Variants in CXCL13 observed in about 807,000 individuals in gnomAD.
CXCL13 encodes the protein C-X-C motif chemokine ligand 13, also known as C-X-C motif chemokine 13.
CXCL13 carries 7 observed loss-of-function variants against 12.2 expected under a neutral mutation model. That is an observed-to-expected ratio of 0.57 (90% CI 0.33 to 1.07). CXCL13 has a LOEUF of 1.07. Ranked by LOEUF, CXCL13 falls within the 50% of genes least tolerant of loss-of-function variation. CXCL13 has a pLI of 0.04. For synonymous variants in CXCL13, 47 were observed against 42.4 expected, an observed-to-expected ratio of 1.11 and a Z score of -0.42; for missense variants, 113 against 127.4, an observed-to-expected ratio of 0.89 and a Z score of 0.55.
intron 1 of CXCL13, among the ~76,000 whole-genome samples, chr4:77,598,783 T>C (rs72861964): frequency 0.035 from 5,286 of 152,140 alleles, 282 homozygotes; most frequent in African/African-American, 0.12. Flanking sequence ...TTGAAAATAT[T>C]CATGTCCCAT....
Position 77,515,481 on chromosome 4 carries a change from A to C in CXCL13, c.-43+3693A>C, listed in dbSNP as rs569662848. On this transcript the variant is annotated intron_variant, in intron 1 of 4. Transcript: ENST00000286758. ...ATTTGTTTGTATCCTCTTTTATTTC[A>C]TTGAGCAGTGGTTTGTAGTTCTCCT... Among the ~76,000 whole-genome samples the C allele has an allele frequency of 7.4e-4, 113 of 152,138 alleles. 1 individual carries two copies. The highest frequency in any genetic ancestry group is 2.6e-3 in the African/African-American group (109 of 41,514).
intron 1 of CXCL13, among the ~76,000 whole-genome samples, chr4:77,566,484 AT>A (rs980509335): frequency 2.0e-5 from 3 of 152,058 alleles, no homozygotes; most frequent in African/African-American, 7.2e-5. Flanking sequence ...TGGACCATAC[AT>A]TTTTTTCTCC....
chr4:77,553,835 C>A (rs913153757), intron 1 of CXCL13, among the ~76,000 whole-genome samples: 18 of 152,038 alleles, frequency 1.2e-4, no homozygotes, highest in Non-Finnish European at 2.4e-4. Flanking sequence ...TTTTAAAAAG[C>A]AAAATCCAAA....
At chr4:77,524,644 G>A (rs1724715465) in intron 1 of CXCL13, among the ~76,000 whole-genome samples, 2 of 151,746 alleles carry the variant, frequency 1.3e-5, no homozygotes, top group South Asian at 4.1e-4. Flanking sequence ...CCTTGGCTAG[G>A]AAAGGGAAAT....
At chr4:77,601,522 G>C (rs975611546), upstream of CXCL13, among the ~76,000 whole-genome samples, 11 of 152,202 alleles carry the variant, frequency 7.2e-5, no homozygotes, top group Admixed American at 5.9e-4. Context: ...ACAAAGTGTG[G>C]ATGATCAGCG....
At chr4:77,549,902 A>C (rs1381414025) in intron 1 of CXCL13, among the ~76,000 whole-genome samples, 2 of 152,236 alleles carry the variant, frequency 1.3e-5, no homozygotes, top group Non-Finnish European at 2.9e-5. Context: ...TTAAGTCTGC[A>C]GAAGTTTCTG....
chr4:77,586,431 G>A (rs968691807), intron 1 of CXCL13, among the ~76,000 whole-genome samples: 1 of 152,136 alleles, frequency 6.6e-6, no homozygotes, highest in Non-Finnish European at 1.5e-5. Context: ...CGGTCCTAAC[G>A]TTTTTGAGCA....
intron 1 of CXCL13, among the ~76,000 whole-genome samples, chr4:77,520,511 CTGTT>C (rs1381425051): frequency 1.3e-5 from 2 of 152,170 alleles, no homozygotes; most frequent in African/African-American, 2.4e-5. Context: ...ATTTGGCTCT[CTGTT>C]TGTCTGCTAT....
chr4:77,556,930 T>G (rs1368231809), intron 1 of CXCL13, among the ~76,000 whole-genome samples: 1 of 151,870 alleles, frequency 6.6e-6, no homozygotes, highest in African/African-American at 2.4e-5. Flanking sequence ...GAGAGGAAGA[T>G]CACTTAAGCC....
In CXCL13 at chr4:77,611,212, C is replaced by G; in HGVS notation, c.*173C>G. ...GATGGGGCAAACTCAAGCTTCTTCACTCACAGCACCCTATATACACTTGGA... is the reference window on the plus strand; with the variant it reads ...GATGGGGCAAACTCAAGCTTCTTCAGTCACAGCACCCTATATACACTTGGA... On this transcript the variant is annotated 3_prime_UTR_variant, in exon 4 of 4. Transcript: ENST00000682537. The G allele has an allele frequency of 1.7e-6, 1 of 583,972 alleles. No individual in the cohort carries two copies. The highest frequency in any genetic ancestry group is 3.0e-6 in the Non-Finnish European group (1 of 329,434). 36.2% of individuals were successfully genotyped at this position (583,972 alleles called of 1,614,324 possible).
upstream of CXCL13, among the ~76,000 whole-genome samples, chr4:77,601,107 A>C (rs769429995): frequency 1.4e-4 from 22 of 152,188 alleles, no homozygotes; most frequent in African/African-American, 5.1e-4. Context: ...ACAAGGTAAT[A>C]GCTTTCGGTA....
intron 1 of CXCL13, among the ~76,000 whole-genome samples, chr4:77,520,136 G>C (rs1056396729): frequency 4.6e-5 from 7 of 152,104 alleles, no homozygotes; most frequent in Admixed American, 3.3e-4. Flanking sequence ...TATAGTTTGA[G>C]GTCAGGTAGC....
chr4:77,550,659 C>T (rs1725492830), intron 1 of CXCL13, among the ~76,000 whole-genome samples: 1 of 152,172 alleles, frequency 6.6e-6, no homozygotes. Flanking sequence ...TTGAAGTTCA[C>T]AATTTCTCCG....
At chr4:77,530,127 C>A (rs1039540682) in intron 1 of CXCL13, among the ~76,000 whole-genome samples, 1 of 152,090 alleles carries the variant, frequency 6.6e-6, no homozygotes, top group Non-Finnish European at 1.5e-5. Flanking sequence ...GAATGAAGCC[C>A]ACTTGATCAT....
At chr4:77,564,990 A>G (rs954223351) in intron 1 of CXCL13, among the ~76,000 whole-genome samples, 3 of 152,164 alleles carry the variant, frequency 2.0e-5, no homozygotes, top group Non-Finnish European at 2.9e-5. Flanking sequence ...TTGCTTCACA[A>G]GCACATTTTC....
intron 1 of CXCL13, among the ~76,000 whole-genome samples, chr4:77,588,638 T>C (rs775480838): frequency 2.6e-5 from 4 of 152,234 alleles, no homozygotes; most frequent in Non-Finnish European, 5.9e-5. Flanking sequence ...CTAGCTAATA[T>C]TCTGTCTTTT....
In CXCL13 at chr4:77,610,658, C is replaced by T. The variant is rs115525661; in HGVS notation, c.242C>T (p.Ala81Val). Residue 81 changes from alanine (A) to valine (V), a missense_variant, in exon 3 of 4, where the codon GCT becomes GTT. By Grantham distance (64) the Ala-to-Val change is moderately conservative. Transcript: ENST00000682537. The part of the protein sequence containing the change: ...NKSIVCVDPQ[A>V]EWIQRMMEVL... ...TCAATTGTGTGTGTGGACCCTCAAG[C>T]TGAATGGATACAAAGAATGATGGAA... 2.6e-5 allele frequency: 42 copies of T among 1,613,406 alleles called. No homozygotes were observed. The East Asian group carries it at 8.7e-4, about 33-fold the overall frequency.
intron 1 of CXCL13, among the ~76,000 whole-genome samples, chr4:77,596,457 T>A (rs960018683): frequency 2.6e-5 from 4 of 152,206 alleles, no homozygotes; most frequent in Non-Finnish European, 5.9e-5. Context: ...GCTCCAGCAA[T>A]CCCTCTTCTG....
chr4:77,548,034 T>C (rs575089591), intron 1 of CXCL13, among the ~76,000 whole-genome samples: 3 of 151,894 alleles, frequency 2.0e-5, no homozygotes, highest in East Asian at 1.9e-4. Flanking sequence ...TGAAAAAAAA[T>C]TTTTTTTAAG....
Sources: allele counts gnomAD v4.1 joint callset (sites outside exome capture counted in the v4.1 genomes callset), GRCh38; gene constraint gnomAD v4.1.1; transcripts MANE v1.5; gene names NCBI Gene and HGNC (gene_info 2026-07-23, HGNC 2026-07-21).